RP1: variants seen among roughly 807,000 people sequenced by gnomAD.
The protein encoded by RP1 is oxygen-regulated protein 1.
RP1 carries 16 observed loss-of-function variants against 14.8 expected under a neutral mutation model. That is an observed-to-expected ratio of 1.08 (90% CI 0.73 to 1.65). The LOEUF (loss-of-function observed/expected upper bound fraction) is 1.65, where lower values mean the gene tolerates loss of function less well. RP1 is among the 40% of genes most tolerant of loss of function. RP1 has a pLI of 0.00. For synonymous variants in RP1, 876 were observed against 883.6 expected, an observed-to-expected ratio of 0.99 and a Z score of 0.15; for missense variants, 2,631 against 2,535.0, an observed-to-expected ratio of 1.04 and a Z score of -0.81.
intron 25 of RP1, chr8:54,852,440 T>C (rs189103667): frequency 8.4e-5 from 42 of 501,472 alleles, no homozygotes; most frequent in African/African-American, 7.7e-4. Context: ...AGGGGGTACA[T>C]AGAAGAAAAA....
At position 54,760,769 on chromosome 8, in the gene RP1, G is replaced by C. The variant is rs544023698; in HGVS notation, c.3248+1693G>C. Reference sequence around the variant, plus strand: ...CCTCGGAGTGCTAGTCTTCACTCAAGAGGACCTTTCCTTGCTCTCTTCTCC... The same window carrying C: ...CCTCGGAGTGCTAGTCTTCACTCAACAGGACCTTTCCTTGCTCTCTTCTCC... On this transcript the variant is annotated intron_variant, in intron 22 of 22. Transcript: ENST00000636932. Among the ~76,000 whole-genome samples the C allele has an allele frequency of 4.4e-4, 67 of 152,286 alleles. 1 individual carries two copies. Among genetic ancestry groups the C allele is most frequent in the African/African-American group, 1.6e-3 (65 of 41,556 alleles).
At chr8:54,614,783 A>T (rs191715335), upstream of RP1, among the ~76,000 whole-genome samples, 1 of 152,120 alleles carries the variant, frequency 6.6e-6, no homozygotes. Context: ...TTTGATGCTG[A>T]TGCTTCTGGC....
downstream of RP1, among the ~76,000 whole-genome samples, chr8:54,773,712 A>G (rs181755012): frequency 6.6e-5 from 10 of 152,302 alleles, no homozygotes; most frequent in Admixed American, 4.6e-4. Context: ...GTCCTCAGTC[A>G]AGCAGTTAGT....
intron 25 of RP1, among the ~76,000 whole-genome samples, chr8:54,846,892 C>T (rs989650299): frequency 2.0e-5 from 3 of 152,196 alleles, no homozygotes; most frequent in African/African-American, 7.2e-5. Flanking sequence ...CATCACACCA[C>T]AGCTCTGGTT....
At chr8:54,621,716 C>A in intron 2 of RP1, 135 bp downstream of exon 2, 2 of 1,278,484 alleles carry the variant, frequency 1.6e-6, no homozygotes, top group Non-Finnish European at 2.2e-6. Flanking sequence ...AGTGTGTGTG[C>A]TCCGATGCTG....
At chr8:54,636,122 A>T (rs1316417143) in intron 3 of RP1, among the ~76,000 whole-genome samples, 2 of 152,224 alleles carry the variant, frequency 1.3e-5, no homozygotes, top group African/African-American at 4.8e-5. Flanking sequence ...CTCATTTGGC[A>T]TAGATGCTCT....
At chr8:54,769,711 C>T (rs1462632221) in intron 22 of RP1, 1 of 1,387,838 alleles carries the variant, frequency 7.2e-7, no homozygotes, top group Non-Finnish European at 9.8e-7. Flanking sequence ...TCTCCTCTCT[C>T]TTTCTTTCTC....
chr8:54,790,501 G>A (rs571191501), intron 24 of RP1, among the ~76,000 whole-genome samples: 1 of 151,378 alleles, frequency 6.6e-6, no homozygotes, highest in Admixed American at 6.6e-5. Flanking sequence ...TAGAGAAATG[G>A]AGATCTACGA....
chr8:54,795,157 A>C (rs1036888034), intron 24 of RP1, among the ~76,000 whole-genome samples: 8 of 152,096 alleles, frequency 5.3e-5, no homozygotes, highest in Non-Finnish European at 1.2e-4. Flanking sequence ...GTATCGGTAC[A>C]GACATTATGG....
At chr8:54,814,718 T>C (rs1046730431) in intron 24 of RP1, among the ~76,000 whole-genome samples, 1 of 152,248 alleles carries the variant, frequency 6.6e-6, no homozygotes, top group African/African-American at 2.4e-5. Flanking sequence ...CTCAAATCAC[T>C]TCAGCTATTT....
chr8:54,594,346 C>A (rs1365215245), intron 1 of RP1, among the ~76,000 whole-genome samples: 9 of 152,308 alleles, frequency 5.9e-5, no homozygotes. Flanking sequence ...CAAGGAAGAG[C>A]ACTTTGTGTT....
At position 54,629,007 on chromosome 8, in the gene RP1, G is replaced by C. The variant is rs747095891; in HGVS notation, c.5125G>C (p.Val1709Leu). The C allele has an allele frequency of 6.2e-7, 1 of 1,614,092 alleles. No homozygotes were observed. Among genetic ancestry groups the C allele is most frequent in the Non-Finnish European group, 8.5e-7 (1 of 1,179,972 alleles). ...ACAAGATAAGTGTGATGTTAGTGCT[G>C]TGAGGGACAATTATTGTAGGGGTGA... ...ERQDKCDVSA[V>L]RDNYCRGDIV... The change falls in exon 4 of 4, where the codon GTG (valine) becomes CTG (leucine). Residue 1709 changes from valine to leucine, a missense_variant. Transcript: ENST00000220676.
chr8:54,698,337 A>G (rs1807923278), intron 12 of RP1, among the ~76,000 whole-genome samples: 1 of 152,246 alleles, frequency 6.6e-6, no homozygotes, highest in African/African-American at 2.4e-5. Context: ...CCACAATGAG[A>G]TACCACCTCC....
In RP1 at chr8:54,837,291, A is replaced by G. The variant is rs78502758; in HGVS notation, c.3616-159A>G. Among the ~76,000 whole-genome samples, 1,321 of 152,328 alleles carry G rather than the reference A, an allele frequency of 8.7e-3. 15 individuals are homozygous for G. Among genetic ancestry groups the G allele is most frequent in the African/African-American group, 0.029 (1,203 of 41,566 alleles). ...GGTCAATGGATACATGCTTCACCAT[A>G]TAGAACAGCATTTCATGGTGTTAGA... is the stretch of plus-strand genomic sequence containing the variant. On this transcript the variant is annotated intron_variant, in intron 24 of 28. Coordinates refer to the RP1 transcript ENST00000637698.
intron 25 of RP1, among the ~76,000 whole-genome samples, chr8:54,844,686 A>C (rs1449363306): frequency 6.6e-6 from 1 of 152,260 alleles, no homozygotes; most frequent in African/African-American, 2.4e-5. Flanking sequence ...ATCGTTTCCC[A>C]ATAAAATATG....
intron 24 of RP1, among the ~76,000 whole-genome samples, chr8:54,833,332 T>G (rs1369087310): frequency 3.9e-5 from 6 of 151,934 alleles, no homozygotes; most frequent in Non-Finnish European, 8.8e-5. Context: ...TTTTCAAGGG[T>G]AAGGTCTTTT....
chr8:54,562,191 G>A (rs1804299447), intron 1 of RP1, among the ~76,000 whole-genome samples: 1 of 152,174 alleles, frequency 6.6e-6, no homozygotes, highest in South Asian at 2.1e-4. Flanking sequence ...AAAATTTCAT[G>A]TCATAGCTAT....
At chr8:54,659,819 C>G (rs939209551) in intron 6 of RP1, among the ~76,000 whole-genome samples, 2 of 152,154 alleles carry the variant, frequency 1.3e-5, no homozygotes, top group African/African-American at 4.8e-5. Context: ...GTAAGGTAGA[C>G]ATTTTAACAA....
In RP1 at chr8:54,736,702, A is replaced by C. The variant is rs72650357; in HGVS notation, c.2721+1958A>C. ...GGTGGAGATTGGGTCTACACATGGAAGCCCCCAGGAGTGTAGAGTCTTGTG... is the reference window on the plus strand; with the variant it reads ...GGTGGAGATTGGGTCTACACATGGACGCCCCCAGGAGTGTAGAGTCTTGTG... On this transcript the variant is annotated intron_variant, in intron 18 of 22. Coordinates refer to the RP1 transcript ENST00000636932. Among the ~76,000 whole-genome samples the C allele has an allele frequency of 9.0e-3, 1,370 of 152,154 alleles. 11 individuals carry two copies. Among genetic ancestry groups the C allele is most frequent in the Non-Finnish European group, 0.015 (1,013 of 67,958 alleles).
Sources: gnomAD v4.1 joint callset for allele counts (sites outside exome capture counted in the v4.1 genomes callset) on GRCh38, gnomAD v4.1.1 for gene constraint, MANE v1.5 for transcripts, NCBI Gene and HGNC (gene_info 2026-07-23, HGNC 2026-07-21) for gene names.